Variants in RBL1 observed in about 807,000 individuals in gnomAD.
The protein encoded by RBL1 is retinoblastoma-like protein 1.
A neutral mutation model predicts 123.0 loss-of-function variants in RBL1; 82 were observed. The observed-to-expected ratio is 0.67, with a 90% CI of 0.56 to 0.80. The LOEUF (loss-of-function observed/expected upper bound fraction) is 0.80. RBL1 is among the 30% of genes least tolerant of loss of function. The probability of loss-of-function intolerance (pLI) is 0.00; values close to 1 mark genes in which losing one functional copy is unlikely to be tolerated. For missense variants in RBL1, 1,171 were observed against 1,299.6 expected (o/e 0.90, Z 1.52); for synonymous variants, 405 against 441.3 (o/e 0.92, Z 1.03).
At chr20:37,011,466 GCT>G (rs1235996773) in intron 19 of RBL1, among the ~76,000 whole-genome samples, 1 of 125,038 alleles carries the variant, frequency 8.0e-6, no homozygotes, top group African/African-American at 3.1e-5. Flanking sequence ...AAAGAGTCTT[GCT>G]CTGTTGCCTA....
intron 12 of RBL1, among the ~76,000 whole-genome samples, chr20:37,045,414 T>C (rs1447381925): frequency 6.6e-6 from 1 of 151,866 alleles, no homozygotes; most frequent in African/African-American, 2.4e-5. Flanking sequence ...CCCACATTTA[T>C]GTTTATGATT....
chr20:37,051,246 A>C (rs1433485290), intron 11 of RBL1, among the ~76,000 whole-genome samples: 1 of 151,400 alleles, frequency 6.6e-6, no homozygotes, highest in East Asian at 1.9e-4. Flanking sequence ...CAATGGCGTG[A>C]TCTCAGCTCC....
chr20:37,013,830 C>T (rs1237866494), intron 19 of RBL1, among the ~76,000 whole-genome samples: 7 of 152,128 alleles, frequency 4.6e-5, no homozygotes, highest in Non-Finnish European at 1.5e-5. Flanking sequence ...TCTATGGGTG[C>T]TGGTCAGACA....
chr20:37,067,976 A>C lies in RBL1; in HGVS notation c.491+10T>G. 6.2e-7 allele frequency: 1 copy of C among 1,612,296 alleles called. No individual in the cohort carries two copies. Reference sequence around the variant, plus strand: ...TCTTTATGTCAATTATATAAGGATTAAGGGCTCACCTCTGCTTCCGGCTTC... The same window carrying C: ...TCTTTATGTCAATTATATAAGGATTCAGGGCTCACCTCTGCTTCCGGCTTC... On this transcript the variant is annotated intron_variant, in intron 3 of 21. Transcript: ENST00000373664.
At chr20:37,033,278 C>T (rs1224880669) in intron 15 of RBL1, among the ~76,000 whole-genome samples, 1 of 151,510 alleles carries the variant, frequency 6.6e-6, no homozygotes, top group African/African-American at 2.4e-5. Context: ...CTCTGCCTCC[C>T]GGGTTCAATT....
Position 37,055,612 on chromosome 20 carries a change from T to G in RBL1, c.1408A>C (p.Lys470Gln). 1.2e-6 allele frequency: 2 copies of G among 1,613,770 alleles called. No homozygotes were observed. Among genetic ancestry groups the G allele is most frequent in the South Asian group, 1.1e-5 (1 of 90,932 alleles). The part of the protein sequence containing the change: ...RLKLAEILYY[K>Q]ILETVMVQET... Reference sequence around the variant, plus strand: ...TGAACCATTACAGTCTCTAGTATTTTATAATACAAAATTTCTGCCAGCTTT... The same window carrying G: ...TGAACCATTACAGTCTCTAGTATTTGATAATACAAAATTTCTGCCAGCTTT... The change falls in exon 11 of 22, where the codon AAA becomes CAA. Residue 470 changes from lysine to glutamine, a missense_variant. By Grantham distance (53) the Lys-to-Gln change is moderately conservative. Coordinates refer to ENST00000373664, the MANE Select transcript of RBL1 (RefSeq NM_002895.5).
chr20:37,064,139 CT>C (rs1037547663), intron 7 of RBL1, among the ~76,000 whole-genome samples: 15,841 of 131,692 alleles, frequency 0.12, 786 homozygotes, highest in African/African-American at 0.15. Flanking sequence ...TCTTTTCTTT[CT>C]TTTTTTTTTT....
At chr20:37,001,506 T>C (rs1027294256) in intron 21 of RBL1, among the ~76,000 whole-genome samples, 3 of 151,334 alleles carry the variant, frequency 2.0e-5, no homozygotes, top group Non-Finnish European at 4.4e-5. Flanking sequence ...CCACTCAGGG[T>C]TGAATGGATT....
intron 11 of RBL1, among the ~76,000 whole-genome samples, chr20:37,051,748 A>G (rs558283491): frequency 1.3e-5 from 2 of 152,262 alleles, no homozygotes; most frequent in East Asian, 3.9e-4. Flanking sequence ...AGAAAACAAA[A>G]ATAAAATGGC....
chr20:37,086,575 A>G (rs2146332864), intron 2 of RBL1, among the ~76,000 whole-genome samples: 2 of 152,320 alleles, frequency 1.3e-5, no homozygotes, highest in South Asian at 2.1e-4. Flanking sequence ...TAAATTTAGC[A>G]TCAACTAAAA....
intron 16 of RBL1, among the ~76,000 whole-genome samples, chr20:37,025,989 C>T (rs1324355444): frequency 6.6e-6 from 1 of 152,008 alleles, no homozygotes; most frequent in African/African-American, 2.4e-5. Context: ...ATGATCCGCC[C>T]GTCTTGGCCT....
intron 18 of RBL1, among the ~76,000 whole-genome samples, chr20:37,018,655 T>C (rs923899318): frequency 6.6e-6 from 1 of 152,110 alleles, no homozygotes; most frequent in African/African-American, 2.4e-5. Context: ...AAAGCAACTT[T>C]AAAGACCTGA....
At chr20:37,095,485 C>A (rs183754887) in intron 1 of RBL1, among the ~76,000 whole-genome samples, 5 of 152,310 alleles carry the variant, frequency 3.3e-5, no homozygotes, top group Admixed American at 3.3e-4. Context: ...AAGGGCAGCA[C>A]CATGACTTTT....
In RBL1 at chr20:37,032,777, G is replaced by A. The variant is rs2064534613; in HGVS notation, c.2270C>T (p.Ser757Leu). Residue 757 changes from serine to leucine, a missense_variant, in exon 16 of 22, where the codon TCA becomes TTA. By Grantham distance (145) the Ser-to-Leu change is moderately radical. Coordinates refer to ENST00000373664, the MANE Select transcript of RBL1 (RefSeq NM_002895.5). Reference protein sequence around the residue: ...VKSPVSLTAHSLIGASPKQTN... With the variant: ...VKSPVSLTAHLLIGASPKQTN... ...CTGTTTTGGAGAAGCACCAATTAAT[G>A]AATGAGCAGTAAGTGATACAGGACT... 3 of 1,613,874 alleles carry A rather than the reference G, an allele frequency of 1.9e-6. No homozygotes were observed. The African/African-American group carries it at 4.0e-5, about 22-fold the overall frequency.
intron 16 of RBL1, among the ~76,000 whole-genome samples, chr20:37,025,486 C>A (rs2064404498): frequency 6.6e-6 from 1 of 151,958 alleles, no homozygotes; most frequent in Non-Finnish European, 1.5e-5. Context: ...TGCCACTGCA[C>A]CCCTGCACGG....
At chr20:37,057,748 G>C (rs1426569657) in intron 9 of RBL1, among the ~76,000 whole-genome samples, 1 of 152,072 alleles carries the variant, frequency 6.6e-6, no homozygotes, top group Non-Finnish European at 1.5e-5. Flanking sequence ...CAGCACTTCG[G>C]GAGGCCAAGG....
chr20:37,000,033 A>T (rs1600427113), intron 21 of RBL1, among the ~76,000 whole-genome samples: 1 of 146,262 alleles, frequency 6.8e-6, no homozygotes, highest in African/African-American at 2.6e-5. Flanking sequence ...CCGCCATCCC[A>T]TCTAGGAAGT....
chr20:37,049,371 C>T (rs1332087871), intron 11 of RBL1: 13 of 710,756 alleles, frequency 1.8e-5, no homozygotes, highest in East Asian at 1.5e-4. Context: ...TCCTCCTGAT[C>T]GGCAAAGACT....
At chr20:37,006,226 G>A (rs1054389412) in intron 20 of RBL1, among the ~76,000 whole-genome samples, 1 of 144,378 alleles carries the variant, frequency 6.9e-6, no homozygotes, top group African/African-American at 2.5e-5. Flanking sequence ...TTGAGACAGA[G>A]TTTCCCTCTT....
Sources: allele counts gnomAD v4.1 joint callset (sites outside exome capture counted in the v4.1 genomes callset), GRCh38; gene constraint gnomAD v4.1.1; transcripts MANE v1.5; gene names NCBI Gene and HGNC (gene_info 2026-07-23, HGNC 2026-07-21).